The following PLCB1 variants were observed in gnomAD, a reference collection of about 807,000 sequenced individuals.
PLCB1 encodes 1-phosphatidylinositol 4,5-bisphosphate phosphodiesterase beta-1.
Under a neutral mutation model 161.8 loss-of-function variants are expected in PLCB1, and 46 were observed. The ratio of observed to expected loss-of-function variants is 0.28; its 90% CI spans 0.22 to 0.36. The LOEUF is 0.36. Ranked by LOEUF, PLCB1 falls within the 10% of genes least tolerant of loss-of-function variation. The pLI is 1.00. For synonymous variants in PLCB1, 517 were observed against 503.7 expected, an observed-to-expected ratio of 1.03 and a Z score of -0.35; for missense variants, 1,016 against 1,472.5, an observed-to-expected ratio of 0.69 and a Z score of 5.07.
chr20:8,325,211 C>T (rs923941895), intron 2 of PLCB1, among the ~76,000 whole-genome samples: 4 of 152,116 alleles, frequency 2.6e-5, no homozygotes, highest in Non-Finnish European at 4.4e-5. Context: ...AATTAATGCA[C>T]ATTCTGAAAA....
chr20:8,381,772 A>G (rs530084332), intron 3 of PLCB1, among the ~76,000 whole-genome samples: 8 of 152,132 alleles, frequency 5.3e-5, no homozygotes, highest in Middle Eastern at 3.4e-3. Flanking sequence ...TTGTATTTCT[A>G]TGGGGTCAGT....
At chr20:8,682,630 C>T (rs758084565) in intron 9 of PLCB1, among the ~76,000 whole-genome samples, 2 of 152,296 alleles carry the variant, frequency 1.3e-5, no homozygotes, top group Admixed American at 6.5e-5. Context: ...TCAGTGCTAG[C>T]TTTGCCATTT....
At chr20:8,283,465 T>C (rs2123288334) in intron 2 of PLCB1, among the ~76,000 whole-genome samples, 1 of 151,674 alleles carries the variant, frequency 6.6e-6, no homozygotes, top group South Asian at 2.1e-4. Context: ...ATATGCTTTT[T>C]CTTTTTTTAA....
chr20:8,630,841 T>C (rs1988563738), intron 4 of PLCB1, among the ~76,000 whole-genome samples: 1 of 152,212 alleles, frequency 6.6e-6, no homozygotes, highest in Admixed American at 6.5e-5. Flanking sequence ...TAAGCCTTTG[T>C]GCAGTCCTAT....
At chr20:8,616,727 G>C (rs1988049506) in intron 3 of PLCB1, among the ~76,000 whole-genome samples, 1 of 152,192 alleles carries the variant, frequency 6.6e-6, no homozygotes, top group Non-Finnish European at 1.5e-5. Context: ...AAGAATCTTG[G>C]AGCACTGGTC....
intron 1 of PLCB1, among the ~76,000 whole-genome samples, chr20:8,142,764 G>A (rs943020738): frequency 1.3e-5 from 2 of 152,192 alleles, no homozygotes; most frequent in Non-Finnish European, 2.9e-5. Flanking sequence ...AGTGAGAAAA[G>A]TAACAAGACA....
intron 3 of PLCB1, among the ~76,000 whole-genome samples, chr20:8,448,874 T>TA (rs1980951811): frequency 6.6e-6 from 1 of 152,144 alleles, no homozygotes; most frequent in Non-Finnish European, 1.5e-5. Context: ...GAAAGGAAAT[T>TA]ACATCTCCTG....
chr20:8,406,751 G>C (rs1438202744), intron 3 of PLCB1, among the ~76,000 whole-genome samples: 3 of 152,162 alleles, frequency 2.0e-5, no homozygotes, highest in African/African-American at 7.2e-5. Context: ...AGTTTTACCA[G>C]TATTACAGTA....
At chr20:8,632,741 G>C (rs79708610) in intron 4 of PLCB1, among the ~76,000 whole-genome samples, 21,978 of 152,100 alleles carry the variant, frequency 0.14, 1,580 homozygotes, top group Middle Eastern at 0.21. Context: ...AGATAGTCTG[G>C]TGTACTTTAG....
chr20:8,377,938 G>A (rs1309927547), intron 3 of PLCB1, among the ~76,000 whole-genome samples: 1 of 152,174 alleles, frequency 6.6e-6, no homozygotes, highest in Non-Finnish European at 1.5e-5. Flanking sequence ...AATCCTGGGT[G>A]AGGTCTCTTA....
chr20:8,650,723 C>A (rs1231040252), intron 7 of PLCB1, among the ~76,000 whole-genome samples: 8 of 152,124 alleles, frequency 5.3e-5, no homozygotes, highest in African/African-American at 1.9e-4. Context: ...TTTCATCTCA[C>A]CTTAGCATTT....
At chr20:8,183,592 A>T (rs1344162088) in intron 2 of PLCB1, among the ~76,000 whole-genome samples, 1 of 152,230 alleles carries the variant, frequency 6.6e-6, no homozygotes, top group African/African-American at 2.4e-5. Context: ...ATACTAGAGA[A>T]GAAATTTTGT....
intron 2 of PLCB1, among the ~76,000 whole-genome samples, chr20:8,330,492 G>A (rs984284): frequency 6.6e-6 from 1 of 152,224 alleles, no homozygotes; most frequent in Non-Finnish European, 1.5e-5. Flanking sequence ...ACTGGCTTGA[G>A]TAATCAGTCC....
chr20:8,619,562 T>C (rs1988123257), intron 3 of PLCB1, among the ~76,000 whole-genome samples: 1 of 152,178 alleles, frequency 6.6e-6, no homozygotes, highest in African/African-American at 2.4e-5. Context: ...TGTGATACAT[T>C]AGAGTTTGAG....
intron 3 of PLCB1, among the ~76,000 whole-genome samples, chr20:8,424,521 C>T (rs1355113202): frequency 6.6e-6 from 1 of 152,092 alleles, no homozygotes; most frequent in African/African-American, 2.4e-5. Context: ...ATGAGTGTCT[C>T]TTTCTTTTCA....
At chr20:8,687,328 A>G (rs933408827) in intron 10 of PLCB1, among the ~76,000 whole-genome samples, 5 of 152,146 alleles carry the variant, frequency 3.3e-5, no homozygotes, top group East Asian at 1.9e-4. Flanking sequence ...CCTGTCCCCA[A>G]TTTAAATTAT....
chr20:8,351,870 A>G (rs921096055), intron 2 of PLCB1, among the ~76,000 whole-genome samples: 2 of 152,156 alleles, frequency 1.3e-5, no homozygotes, highest in African/African-American at 2.4e-5. Context: ...CAGCAACAGT[A>G]TCTCTTATTC....
intron 3 of PLCB1, among the ~76,000 whole-genome samples, chr20:8,417,067 ATATATATT>A (rs1979319884): frequency 1.0e-5 from 1 of 95,794 alleles, no homozygotes; most frequent in African/African-American, 3.9e-5. Flanking sequence ...ATATATATAT[ATATATATT>A]TTTTTTTTTT....
In PLCB1 at chr20:8,757,911, T is replaced by C. The variant is rs530791786; in HGVS notation, c.2656+733T>C. 2.0e-5 allele frequency among the ~76,000 whole-genome samples: 3 copies of C among 151,652 alleles called. No individual in the cohort carries two copies. In the East Asian group the frequency reaches 5.8e-4, roughly 29 times the overall value. On this transcript the variant is annotated intron_variant, in intron 24 of 31. Coordinates refer to ENST00000338037, the MANE Select transcript of PLCB1 (RefSeq NM_015192.4). ...AATAAATAAAATAAAAATCCTTTGATTTCTACGCAGCTAACTTTGACATTT... is the reference window on the plus strand; with the variant it reads ...AATAAATAAAATAAAAATCCTTTGACTTCTACGCAGCTAACTTTGACATTT...
Sources: gnomAD v4.1 joint callset for allele counts (sites outside exome capture counted in the v4.1 genomes callset) on GRCh38, gnomAD v4.1.1 for gene constraint, MANE v1.5 for transcripts, NCBI Gene and HGNC (gene_info 2026-07-23, HGNC 2026-07-21) for gene names.